YAF2: variants seen among roughly 807,000 people sequenced by gnomAD.
YAF2 encodes the protein YY1-associated factor 2.
YAF2 carries 7 observed loss-of-function variants against 20.1 expected under a neutral mutation model. That is an observed-to-expected ratio of 0.35 (90% CI 0.20 to 0.65). The LOEUF is 0.65. Ranked by LOEUF, YAF2 falls within the 30% of genes least tolerant of loss-of-function variation. The pLI is 0.69. For missense variants in YAF2, 151 were observed against 219.2 expected, an observed-to-expected ratio of 0.69 and a Z score of 1.96; for synonymous variants, 74 against 76.0, an observed-to-expected ratio of 0.97 and a Z score of 0.14.
chr12:42,198,710 C>T (rs764708247), intron 2 of YAF2, among the ~76,000 whole-genome samples: 2 of 152,034 alleles, frequency 1.3e-5, no homozygotes, highest in Non-Finnish European at 2.9e-5. Context: ...AAATGGAGAG[C>T]GGGGTTTCAG....
At chr12:42,193,732 G>A (rs2639125) in intron 2 of YAF2, among the ~76,000 whole-genome samples, 2,753 of 152,204 alleles carry the variant, frequency 0.018, 82 homozygotes, top group African/African-American at 0.062. Context: ...TCCAACTCCT[G>A]GGCTCAAGTG....
chr12:42,183,279 C>T (rs1226050934), intron 2 of YAF2, among the ~76,000 whole-genome samples: 4 of 152,058 alleles, frequency 2.6e-5, no homozygotes, highest in African/African-American at 9.7e-5. Flanking sequence ...ACAATGGTGT[C>T]TAATAATTGT....
intron 2 of YAF2, chr12:42,232,159 T>C (rs1451095888): frequency 1.3e-5 from 2 of 152,560 alleles, no homozygotes; most frequent in African/African-American, 4.8e-5. Flanking sequence ...TATTCTTAAT[T>C]CAAACTGACA....
intron 2 of YAF2, among the ~76,000 whole-genome samples, chr12:42,169,573 C>T (rs978471486): frequency 2.0e-5 from 3 of 151,972 alleles, no homozygotes; most frequent in Non-Finnish European, 4.4e-5. Context: ...CCCACCACAC[C>T]GGGCTAATTT....
At chr12:42,164,303 G>C (rs753197465) in intron 2 of YAF2, among the ~76,000 whole-genome samples, 23 of 152,160 alleles carry the variant, frequency 1.5e-4, no homozygotes, top group Non-Finnish European at 3.4e-4. Flanking sequence ...TGTAAGAAAA[G>C]GGGGAACATT....
At position 42,163,842 on chromosome 12, in the gene YAF2, C is replaced by A. The variant is rs2065852247; in HGVS notation, c.153-2077G>T. ...GATCTTTTTACAACATCGTAAGTCA[C>A]TCAACTCCATGCCCTATTAAAAATA... is the stretch of plus-strand genomic sequence containing the variant. On this transcript the variant is annotated intron_variant, in intron 2 of 3. Transcript: ENST00000534854. Among the ~76,000 whole-genome samples, 3 of 152,152 alleles carry A rather than the reference C, an allele frequency of 2.0e-5. No homozygotes were observed. The South Asian group carries it at 6.2e-4, about 32-fold the overall frequency.
At chr12:42,199,219 C>T in intron 2 of YAF2, 1 of 1,289,060 alleles carries the variant, frequency 7.8e-7, no homozygotes, top group Non-Finnish European at 1.0e-6. Context: ...GGTAACCAGG[C>T]TCTCTTCCTG....
chr12:42,231,726 C>A (rs549529298), intron 2 of YAF2: 3 of 152,278 alleles, frequency 2.0e-5, no homozygotes, highest in Admixed American at 2.0e-4. Flanking sequence ...AAATTATATT[C>A]ATTGATACCA....
intron 2 of YAF2, among the ~76,000 whole-genome samples, chr12:42,216,062 A>G (rs2067349699): frequency 6.6e-6 from 1 of 152,142 alleles, no homozygotes; most frequent in African/African-American, 2.4e-5. Flanking sequence ...TAATTCTATC[A>G]CATTTTGTAG....
chr12:42,235,761 A>G, intron 2 of YAF2: 1 of 559,496 alleles, frequency 1.8e-6, no homozygotes, highest in Non-Finnish European at 2.5e-6. Flanking sequence ...ATGTACTGGT[A>G]AAAAAAAAAA....
chr12:42,212,824 C>T (rs1201937394), intron 2 of YAF2, among the ~76,000 whole-genome samples: 2 of 152,048 alleles, frequency 1.3e-5, no homozygotes, highest in Non-Finnish European at 2.9e-5. Context: ...GTAATAAATC[C>T]ATTCACTTTT....
At chr12:42,161,832 A>G in intron 2 of YAF2, 67 bp from the exon 3 acceptor site, 1 of 1,375,686 alleles carries the variant, frequency 7.3e-7, no homozygotes, top group Non-Finnish European at 9.9e-7. Context: ...TTATGACAGA[A>G]TATCTCACAT....
chr12:42,193,290 G>A (rs1027330295), intron 2 of YAF2, among the ~76,000 whole-genome samples: 1 of 150,748 alleles, frequency 6.6e-6, no homozygotes, highest in Non-Finnish European at 1.5e-5. Flanking sequence ...ACCCCAGCCT[G>A]GGCGACAGAG....
rs556229141 is a variant in YAF2 at position 42,201,944 on chromosome 12, T to C, written c.152+35655A>G. 2.9e-3 allele frequency among the ~76,000 whole-genome samples: 443 copies of C among 152,342 alleles called. 1 individual carries two copies. The highest frequency in any genetic ancestry group is 5.4e-3 in the Admixed American group (82 of 15,302). On this transcript the variant is annotated intron_variant, in intron 2 of 3. Coordinates refer to ENST00000534854, the MANE Select transcript of YAF2 (RefSeq NM_005748.6). ...TCATTTACCCTTGATGTCTTTAACCTTGATGGTTCATTCTTCTTTTCCTGA... is the reference window on the plus strand; with the variant it reads ...TCATTTACCCTTGATGTCTTTAACCCTGATGGTTCATTCTTCTTTTCCTGA...
rs944615007 is a variant in YAF2, at chr12:42,237,211, A to G, written c.152+388T>C. 3.9e-5 allele frequency among the ~76,000 whole-genome samples: 6 copies of G among 152,202 alleles called. 1 individual carries two copies. The highest frequency in any genetic ancestry group is 1.4e-4 in the African/African-American group (6 of 41,448). On this transcript the variant is annotated intron_variant, in intron 2 of 3. Coordinates refer to ENST00000534854, the MANE Select transcript of YAF2 (RefSeq NM_005748.6). ...TTTCTTTCTTTAGGAACGAAATTAA[A>G]TTACATCCTTTGCTCCTAAAGAGAT... is the stretch of plus-strand genomic sequence containing the variant.
rs7960285 is a variant in YAF2 at position 42,167,754 on chromosome 12, C to T, written c.153-5989G>A. 8.6e-3 allele frequency among the ~76,000 whole-genome samples: 1,301 copies of T among 152,140 alleles called. 22 individuals carry two copies. Among genetic ancestry groups the T allele is most frequent in the African/African-American group, 0.029 (1,205 of 41,496 alleles). ...GGCTCGGTGGCTCACATCTATAATC[C>T]CAGCACTTTGGGAGGCCAACGCGGG... On this transcript the variant is annotated intron_variant, in intron 2 of 3. Coordinates refer to ENST00000534854, the MANE Select transcript of YAF2 (RefSeq NM_005748.6).
intron 2 of YAF2, among the ~76,000 whole-genome samples, chr12:42,171,778 A>T (rs1266916481): frequency 6.8e-6 from 1 of 146,188 alleles, no homozygotes; most frequent in Non-Finnish European, 1.5e-5. Flanking sequence ...ACATGGTGAA[A>T]CCCCATCTCT....
intron 2 of YAF2, among the ~76,000 whole-genome samples, chr12:42,189,323 TTTG>T (rs2066553765): frequency 3.3e-5 from 5 of 152,226 alleles, no homozygotes; most frequent in Non-Finnish European, 4.4e-5. Flanking sequence ...GAGCCTGGGA[TTTG>T]AATCAGAAAG....
At chr12:42,237,768 C>G (rs1158132866) in intron 1 of YAF2, 44 bp from the exon 2 acceptor site, 2 of 1,357,478 alleles carry the variant, frequency 1.5e-6, no homozygotes, top group African/African-American at 3.1e-5. Flanking sequence ...GGGTCACCAG[C>G]AGGCCGCGCC....
Sources: allele counts gnomAD v4.1 joint callset (sites outside exome capture counted in the v4.1 genomes callset), GRCh38; gene constraint gnomAD v4.1.1; transcripts MANE v1.5; gene names NCBI Gene and HGNC (gene_info 2026-07-23, HGNC 2026-07-21).